NKAIN3: variants seen among roughly 807,000 people sequenced by gnomAD.
NKAIN3 encodes the protein sodium/potassium-transporting ATPase subunit beta-1-interacting protein 3.
Under a neutral mutation model 30.2 loss-of-function variants are expected in NKAIN3, and 25 were observed. That is an observed-to-expected ratio of 0.83 (90% CI 0.60 to 1.16). The LOEUF is 1.16. NKAIN3 is among the 50% of genes most tolerant of loss of function. NKAIN3 has a pLI of 0.00. For missense variants in NKAIN3, 225 were observed against 254.1 expected (o/e 0.89, Z 0.78); for synonymous variants, 91 against 89.6 (o/e 1.02, Z -0.09).
intron 4 of NKAIN3, among the ~76,000 whole-genome samples, chr8:62,750,579 G>C (rs1816244522): frequency 6.6e-6 from 1 of 152,148 alleles, no homozygotes; most frequent in Non-Finnish European, 1.5e-5. Flanking sequence ...CGGCGCCTCT[G>C]TCCCTGGGAG....
At chr8:62,430,514 A>G (rs991653922) in intron 1 of NKAIN3, among the ~76,000 whole-genome samples, 1 of 151,552 alleles carries the variant, frequency 6.6e-6, no homozygotes, top group African/African-American at 2.4e-5. Flanking sequence ...GATGAACCGC[A>G]ATACTGTTTT....
chr8:62,576,690 A>G (rs763877748), intron 1 of NKAIN3, among the ~76,000 whole-genome samples: 2 of 152,142 alleles, frequency 1.3e-5, no homozygotes, highest in Non-Finnish European at 2.9e-5. Context: ...ATCATGGCAG[A>G]CATCAAGTTC....
chr8:62,586,172 C>T (rs537836111), intron 2 of NKAIN3, among the ~76,000 whole-genome samples: 2 of 152,272 alleles, frequency 1.3e-5, no homozygotes, highest in African/African-American at 4.8e-5. Context: ...TCATTTTAAT[C>T]TGAATTGTTA....
chr8:62,299,584 G>T (rs1813970698), intron 1 of NKAIN3, among the ~76,000 whole-genome samples: 1 of 151,776 alleles, frequency 6.6e-6, no homozygotes, highest in Admixed American at 6.6e-5. Flanking sequence ...TTTTTCATAT[G>T]AAGTCAAGAT....
intron 4 of NKAIN3, chr8:62,855,380 A>C (rs1820032303): frequency 6.5e-6 from 5 of 767,514 alleles, no homozygotes; most frequent in Non-Finnish European, 1.2e-5. Context: ...CAGCATGGGC[A>C]CAGTGAAATT....
chr8:62,513,958 C>A (rs566953884), intron 1 of NKAIN3, among the ~76,000 whole-genome samples: 3 of 150,340 alleles, frequency 2.0e-5, no homozygotes, highest in African/African-American at 7.3e-5. Flanking sequence ...GAAAGAAGGC[C>A]AGTTGAGTTG....
At chr8:62,538,201 G>C (rs1417386107) in intron 1 of NKAIN3, among the ~76,000 whole-genome samples, 10 of 152,122 alleles carry the variant, frequency 6.6e-5, no homozygotes, top group Non-Finnish European at 1.0e-4. Flanking sequence ...TGTTGAGACA[G>C]GGCCTCACTG....
intron 5 of NKAIN3, among the ~76,000 whole-genome samples, chr8:62,952,683 G>C (rs868663111): frequency 2.0e-5 from 3 of 152,036 alleles, no homozygotes; most frequent in African/African-American, 7.2e-5. Context: ...ACAAACCAAA[G>C]CACCTCCAAA....
intron 1 of NKAIN3, among the ~76,000 whole-genome samples, chr8:62,267,222 C>T (rs1812637173): frequency 6.6e-6 from 1 of 152,218 alleles, no homozygotes; most frequent in Admixed American, 6.5e-5. Context: ...TTGTGTTCCA[C>T]AGTGACAATT....
chr8:62,567,717 A>T (rs368302987), intron 1 of NKAIN3, among the ~76,000 whole-genome samples: 11 of 152,116 alleles, frequency 7.2e-5, no homozygotes, highest in Non-Finnish European at 1.3e-4. Flanking sequence ...AGTTAAAAAA[A>T]AGGAAGTCTC....
At chr8:62,934,486 G>A (rs1822723321) in intron 5 of NKAIN3, among the ~76,000 whole-genome samples, 1 of 152,092 alleles carries the variant, frequency 6.6e-6, no homozygotes, top group African/African-American at 2.4e-5. Context: ...CTGGAATGGT[G>A]AGAGCTGGTG....
intron 1 of NKAIN3, among the ~76,000 whole-genome samples, chr8:62,351,416 C>T (rs993423126): frequency 2.7e-5 from 4 of 149,820 alleles, no homozygotes; most frequent in African/African-American, 4.9e-5. Flanking sequence ...TACTTTTCCT[C>T]GGAATATTTT....
At chr8:62,818,557 A>G (rs1426776609) in intron 4 of NKAIN3, among the ~76,000 whole-genome samples, 1 of 146,760 alleles carries the variant, frequency 6.8e-6, no homozygotes, top group Non-Finnish European at 1.5e-5. Flanking sequence ...TTGTTTGTTC[A>G]TTTATTTGTT....
intron 1 of NKAIN3, among the ~76,000 whole-genome samples, chr8:62,345,582 T>C (rs575449338): frequency 1.3e-4 from 18 of 133,704 alleles, no homozygotes; most frequent in Non-Finnish European, 2.5e-4. Flanking sequence ...CACATATATG[T>C]ATATACACAC....
chr8:62,951,609 C>T (rs1024389808), intron 5 of NKAIN3, among the ~76,000 whole-genome samples: 8 of 151,926 alleles, frequency 5.3e-5, no homozygotes, highest in African/African-American at 1.9e-4. Context: ...CAGGCACATG[C>T]CACCACGTCC....
intron 1 of NKAIN3, among the ~76,000 whole-genome samples, chr8:62,556,570 T>C (rs1429701784): frequency 4.6e-5 from 7 of 151,910 alleles, no homozygotes; most frequent in African/African-American, 1.7e-4. Flanking sequence ...CTATATAATA[T>C]ATAGGAATAT....
intron 5 of NKAIN3, among the ~76,000 whole-genome samples, chr8:62,997,306 G>A (rs919740205): frequency 3.3e-5 from 5 of 152,078 alleles, no homozygotes; most frequent in Non-Finnish European, 7.4e-5. Flanking sequence ...AGGTGATAAT[G>A]GGAGTGTATT....
chr8:62,700,004 C>T (rs898641327), intron 3 of NKAIN3, among the ~76,000 whole-genome samples: 5 of 152,040 alleles, frequency 3.3e-5, no homozygotes, highest in African/African-American at 1.2e-4. Context: ...GTAGCACATG[C>T]CTGTAGTCCC....
chr8:62,339,931 G>T (rs1815686470), intron 1 of NKAIN3, among the ~76,000 whole-genome samples: 1 of 151,972 alleles, frequency 6.6e-6, no homozygotes, highest in Admixed American at 6.6e-5. Flanking sequence ...GGAGAGAAAT[G>T]GGTCTCAACT....
Sources: gnomAD v4.1 joint callset for allele counts (sites outside exome capture counted in the v4.1 genomes callset) on GRCh38, gnomAD v4.1.1 for gene constraint, MANE v1.5 for transcripts, NCBI Gene and HGNC (gene_info 2026-07-23, HGNC 2026-07-21) for gene names.